The following FCHSD2 variants were observed in gnomAD, a reference collection of about 807,000 sequenced individuals.
FCHSD2 encodes F-BAR and double SH3 domains protein 2.
In FCHSD2, 38 loss-of-function variants were observed where a neutral mutation model predicts 108.1. That is an observed-to-expected ratio of 0.35 (90% CI 0.27 to 0.46). The LOEUF (loss-of-function observed/expected upper bound fraction) is 0.46, where lower values mean the gene tolerates loss of function less well. Ranked by LOEUF, FCHSD2 falls within the 20% of genes least tolerant of loss-of-function variation. FCHSD2 has a pLI of 1.00. For synonymous variants in FCHSD2, 279 were observed against 314.7 expected (o/e 0.89, Z 1.20); for missense variants, 751 against 897.8 (o/e 0.84, Z 2.09).
chr11:72,847,771 C>G (rs367895469), intron 14 of FCHSD2, among the ~76,000 whole-genome samples: 42 of 149,904 alleles, frequency 2.8e-4, no homozygotes, highest in African/African-American at 1.0e-3. Context: ...TGGCTCACTG[C>G]AACCTCCTCC....
At chr11:72,998,516 G>A (rs1249412515) in intron 5 of FCHSD2, among the ~76,000 whole-genome samples, 1 of 152,094 alleles carries the variant, frequency 6.6e-6, no homozygotes, top group Non-Finnish European at 1.5e-5. Context: ...ACTCCAGCCT[G>A]GGTGACAGAG....
intron 8 of FCHSD2, among the ~76,000 whole-genome samples, chr11:72,937,583 T>C (rs1856329062): frequency 6.6e-6 from 1 of 152,198 alleles, no homozygotes; most frequent in Non-Finnish European, 1.5e-5. Context: ...GACCTCATGA[T>C]CTGCCTGCCT....
At chr11:73,028,657 G>A (rs1195772740) in intron 3 of FCHSD2, among the ~76,000 whole-genome samples, 1 of 152,144 alleles carries the variant, frequency 6.6e-6, no homozygotes, top group Non-Finnish European at 1.5e-5. Flanking sequence ...GCCAGGGGTG[G>A]AATGATATGG....
intron 3 of FCHSD2, among the ~76,000 whole-genome samples, chr11:73,079,252 G>A (rs957859770): frequency 1.3e-4 from 20 of 150,382 alleles, no homozygotes; most frequent in Non-Finnish European, 1.9e-4. Flanking sequence ...GCTGGAGTGT[G>A]GTGGCCTGAT....
At chr11:72,928,379 G>A (rs1042743744) in intron 8 of FCHSD2, among the ~76,000 whole-genome samples, 7 of 152,094 alleles carry the variant, frequency 4.6e-5, no homozygotes, top group Non-Finnish European at 1.0e-4. Flanking sequence ...TCTCATCACT[G>A]TTCTCTGCAT....
At chr11:73,119,358 T>C (rs57953662) in intron 2 of FCHSD2, among the ~76,000 whole-genome samples, 5,128 of 152,236 alleles carry the variant, frequency 0.034, 289 homozygotes, top group African/African-American at 0.12. Flanking sequence ...TTCTGTATTA[T>C]GTAACTAGTG....
At chr11:73,110,909 C>T (rs1860467983) in intron 2 of FCHSD2, among the ~76,000 whole-genome samples, 1 of 152,102 alleles carries the variant, frequency 6.6e-6, no homozygotes, top group Non-Finnish European at 1.5e-5. Context: ...CAATTTCCTC[C>T]TTAATTTCTT....
At chr11:73,001,538 T>TA (rs1190079477) in intron 4 of FCHSD2, among the ~76,000 whole-genome samples, 5 of 152,208 alleles carry the variant, frequency 3.3e-5, no homozygotes, top group Non-Finnish European at 5.9e-5. Context: ...AGAGAGATTT[T>TA]AGAGTATCAC....
rs940541990 is a variant in FCHSD2 at position 72,929,714 on chromosome 11, C to T, written c.706-7764G>A. On this transcript the variant is annotated intron_variant, in intron 8 of 19. Transcript: ENST00000409418. ...ATATAGACTTTGATTAAAAAGCCAA[C>T]GATCAGAATAAAAATTGTCCCAAAA... 4.6e-5 allele frequency among the ~76,000 whole-genome samples: 7 copies of T among 152,098 alleles called. 1 individual carries two copies. Among genetic ancestry groups the T allele is most frequent in the Admixed American group, 3.3e-4 (5 of 15,258 alleles).
At chr11:73,071,906 T>C (rs1038743447) in intron 3 of FCHSD2, among the ~76,000 whole-genome samples, 3 of 152,142 alleles carry the variant, frequency 2.0e-5, no homozygotes, top group Non-Finnish European at 4.4e-5. Context: ...ATGATCTTAA[T>C]ATATGTTCTT....
At chr11:73,015,378 CT>C (rs955348476) in intron 4 of FCHSD2, among the ~76,000 whole-genome samples, 17 of 152,120 alleles carry the variant, frequency 1.1e-4, no homozygotes, top group African/African-American at 3.4e-4. Flanking sequence ...AGTTTCCCCC[CT>C]AGTCTCACAA....
intron 4 of FCHSD2, among the ~76,000 whole-genome samples, chr11:73,005,352 A>T (rs1857717199): frequency 2.6e-5 from 4 of 152,200 alleles, no homozygotes; most frequent in Non-Finnish European, 5.9e-5. Context: ...GTCATCAAAG[A>T]TCTTCCTATG....
At chr11:72,940,555 C>T (rs540619866) in intron 8 of FCHSD2, 76 of 1,090,194 alleles carry the variant, frequency 7.0e-5, no homozygotes, top group South Asian at 3.9e-4. Flanking sequence ...TCATGTCATG[C>T]GCTTTCTTCT....
intron 13 of FCHSD2, among the ~76,000 whole-genome samples, chr11:72,851,123 AAG>A: frequency 6.6e-6 from 1 of 151,170 alleles, no homozygotes; most frequent in South Asian, 2.1e-4. Flanking sequence ...AAAAAAAAAA[AAG>A]GTTGCTAAGT....
chr11:73,049,712 G>A (rs1022171086), intron 3 of FCHSD2, among the ~76,000 whole-genome samples: 1 of 151,052 alleles, frequency 6.6e-6, no homozygotes, highest in African/African-American at 2.4e-5. Context: ...GAAAAAGGGG[G>A]AAAGAGAGAC....
intron 4 of FCHSD2, among the ~76,000 whole-genome samples, chr11:73,002,173 A>C (rs1170956183): frequency 6.6e-6 from 1 of 152,212 alleles, no homozygotes; most frequent in Non-Finnish European, 1.5e-5. Flanking sequence ...GTGTAGAAGC[A>C]AGAAAAAGAA....
chr11:73,012,719 C>T (rs1157302976), intron 4 of FCHSD2, among the ~76,000 whole-genome samples: 1 of 152,074 alleles, frequency 6.6e-6, no homozygotes, highest in African/African-American at 2.4e-5. Context: ...CATCTCTCTC[C>T]CCCTGCTTCA....
intron 1 of FCHSD2, among the ~76,000 whole-genome samples, chr11:73,140,662 C>T (rs1359092887): frequency 6.6e-6 from 1 of 152,232 alleles, no homozygotes; most frequent in Non-Finnish European, 1.5e-5. Flanking sequence ...TTGCTGACAG[C>T]GCATCAAATC....
intron 3 of FCHSD2, among the ~76,000 whole-genome samples, chr11:73,026,573 TA>T (rs923262324): frequency 3.3e-4 from 50 of 152,218 alleles, no homozygotes; most frequent in African/African-American, 1.1e-3. Context: ...ACTTTAAAGA[TA>T]GGGGGAGGTG....
Sources: gnomAD v4.1 joint callset for allele counts (sites outside exome capture counted in the v4.1 genomes callset) on GRCh38, gnomAD v4.1.1 for gene constraint, MANE v1.5 for transcripts, NCBI Gene and HGNC (gene_info 2026-07-23, HGNC 2026-07-21) for gene names.